The following CACNA1E variants were observed in gnomAD, a reference collection of about 807,000 sequenced individuals.
CACNA1E encodes calcium voltage-gated channel subunit alpha1 E, also known as voltage-dependent R-type calcium channel subunit alpha-1E.
A neutral mutation model predicts 259.2 loss-of-function variants in CACNA1E; 40 were observed. The observed-to-expected ratio is 0.15, with a 90% CI of 0.12 to 0.20. CACNA1E has a LOEUF of 0.20. Among genes scored for constraint, CACNA1E ranks in the 10% least tolerant of loss-of-function variants. The pLI is 1.00. For synonymous variants in CACNA1E, 1,104 were observed against 1,138.5 expected, an observed-to-expected ratio of 0.97 and a Z score of 0.61; for missense variants, 1,874 against 3,040.1, an observed-to-expected ratio of 0.62 and a Z score of 9.02.
At chr1:181,369,921 A>G (rs369702486) in intron 1 of CACNA1E, among the ~76,000 whole-genome samples, 1 of 152,218 alleles carries the variant, frequency 6.6e-6, no homozygotes, top group Admixed American at 6.5e-5. Flanking sequence ...GCACAGAACC[A>G]AACAGGTAGT....
chr1:181,577,370 A>C lies in CACNA1E; in HGVS notation c.513-396A>C, dbSNP rs74877688. Among the ~76,000 whole-genome samples, 337 of 152,290 alleles carry C rather than the reference A, an allele frequency of 2.2e-3. 2 individuals carry two copies. Among genetic ancestry groups the C allele is most frequent in the African/African-American group, 3.4e-3 (140 of 41,568 alleles). ...GAGAAATTTCCTGAAGGAGATAGACAGGGGAACCTAAGAAAATTTTGAAAT... is the reference window on the plus strand; with the variant it reads ...GAGAAATTTCCTGAAGGAGATAGACCGGGGAACCTAAGAAAATTTTGAAAT... On this transcript the variant is annotated intron_variant, in intron 3 of 47. Coordinates refer to ENST00000367573, the MANE Select transcript of CACNA1E (RefSeq NM_001205293.3).
chr1:181,365,170 TA>T (rs1379098801), intron 1 of CACNA1E, among the ~76,000 whole-genome samples: 2 of 152,158 alleles, frequency 1.3e-5, no homozygotes, highest in East Asian at 3.8e-4. Flanking sequence ...AGCTTTTTTT[TA>T]TTTTTTATTT....
intron 1 of CACNA1E, among the ~76,000 whole-genome samples, chr1:181,366,684 C>T (rs1654291280): frequency 6.6e-6 from 1 of 152,298 alleles, no homozygotes; most frequent in African/African-American, 2.4e-5. Flanking sequence ...ATCCTGCTAC[C>T]TCTTTGCTGT....
rs151312370 is a variant in CACNA1E at position 181,388,278 on chromosome 1, G to A, written c.-14-24855G>A. On this transcript the variant is annotated intron_variant, in intron 1 of 11. Coordinates refer to the CACNA1E transcript ENST00000524607. The stretch of plus-strand genomic sequence containing the variant: ...TGCGGTAACGTTCTAGAAGGTCGCC[G>A]TGAGCCCTCAATTAGCCAATGCTGA... Among the ~76,000 whole-genome samples, 49 of 152,296 alleles carry A rather than the reference G, an allele frequency of 3.2e-4. No homozygotes were observed. In the South Asian group the frequency reaches 5.2e-3, roughly 16 times the overall value.
At chr1:181,742,586 C>A (rs1656680439) in intron 25 of CACNA1E, among the ~76,000 whole-genome samples, 1 of 152,184 alleles carries the variant, frequency 6.6e-6, no homozygotes, top group African/African-American at 2.4e-5. Context: ...TGTGGCTCCT[C>A]AGAAACCAGG....
intron 1 of CACNA1E, among the ~76,000 whole-genome samples, chr1:181,507,451 G>A (rs1266604149): frequency 6.6e-6 from 1 of 152,200 alleles, no homozygotes; most frequent in Non-Finnish European, 1.5e-5. Context: ...ATATACTTGG[G>A]TTAACTGGCT....
intron 1 of CACNA1E, 107 bp from the exon 2 acceptor site, chr1:181,510,370 C>T: frequency 8.2e-6 from 6 of 734,472 alleles, no homozygotes; most frequent in Non-Finnish European, 1.5e-5. Flanking sequence ...ATCATGCAAA[C>T]TGCACAGACA....
At chr1:181,708,469 G>A (rs1653010273) in intron 7 of CACNA1E, among the ~76,000 whole-genome samples, 1 of 152,150 alleles carries the variant, frequency 6.6e-6, no homozygotes, top group Admixed American at 6.5e-5. Context: ...TATCCTAGAT[G>A]CTCAAGGATG....
At chr1:181,388,091 C>A (rs147736657) in intron 1 of CACNA1E, among the ~76,000 whole-genome samples, 3 of 152,210 alleles carry the variant, frequency 2.0e-5, no homozygotes, top group Non-Finnish European at 4.4e-5. Context: ...GGCCGATAGA[C>A]ATTTGTTTCT....
chr1:181,655,392 A>T (rs1659125582), intron 7 of CACNA1E, among the ~76,000 whole-genome samples: 1 of 152,212 alleles, frequency 6.6e-6, no homozygotes, highest in African/African-American at 2.4e-5. Flanking sequence ...ATCTACAAAG[A>T]AATAGGAATC....
In CACNA1E at chr1:181,758,610, C is replaced by A. The variant is rs552609145; in HGVS notation, c.4495-148C>A. The A allele has an allele frequency of 8.9e-6, 5 of 559,288 alleles. No homozygotes were observed. Among genetic ancestry groups the A allele is most frequent in the African/African-American group, 7.6e-5 (4 of 52,928 alleles). 34.6% of individuals were successfully genotyped at this position (559,288 alleles called of 1,614,324 possible). A position where few individuals can be genotyped will look rare whatever the true frequency, so the allele number is the denominator to read the frequency against. ...TGGGTAGAATATGTGGTTCTCCTCT[C>A]CAGCACTCGAAGTCCATCTCTCCTC... On this transcript the variant is annotated intron_variant, in intron 31 of 47. Transcript: ENST00000367573. This position sits in a 1 kb window ranked among gnomAD's most constrained non-coding sequence, Gnocchi z 4.2.
intron 1 of CACNA1E, among the ~76,000 whole-genome samples, chr1:181,354,217 A>C (rs1432132649): frequency 3.3e-5 from 5 of 151,490 alleles, no homozygotes; most frequent in Non-Finnish European, 7.4e-5. Context: ...TCAGCATTTG[A>C]ATAAATGAAT....
chr1:181,612,040 C>T (rs1317506142), intron 6 of CACNA1E, among the ~76,000 whole-genome samples: 1 of 152,204 alleles, frequency 6.6e-6, no homozygotes, highest in East Asian at 1.9e-4. Flanking sequence ...TGTCAAGTCA[C>T]CCTACAGAGT....
At chr1:181,554,981 A>G (rs1344373732) in intron 3 of CACNA1E, among the ~76,000 whole-genome samples, 1 of 152,118 alleles carries the variant, frequency 6.6e-6, no homozygotes, top group Non-Finnish European at 1.5e-5. Flanking sequence ...TCCTCTTCCA[A>G]ATGGAGATTA....
intron 2 of CACNA1E, among the ~76,000 whole-genome samples, chr1:181,476,748 C>T (rs1025569984): frequency 3.9e-5 from 6 of 152,138 alleles, no homozygotes; most frequent in East Asian, 3.9e-4. Context: ...GTCAAGAGGC[C>T]GTGGGGGTGG....
rs115119586 is a variant in CACNA1E at position 181,606,743 on chromosome 1, A to G, written c.951+25967A>G. Among the ~76,000 whole-genome samples, 495 of 152,298 alleles carry G rather than the reference A, an allele frequency of 3.3e-3. 3 individuals carry two copies. Among genetic ancestry groups the G allele is most frequent in the African/African-American group, 0.01 (433 of 41,558 alleles). ...TTCCAGCCTTGCCCTTGTTTTACCC[A>G]TGCTGGCTTGTGTCAGAATCAGCCC... On this transcript the variant is annotated intron_variant, in intron 6 of 47. Coordinates refer to ENST00000367573, the MANE Select transcript of CACNA1E (RefSeq NM_001205293.3).
At chr1:181,595,890 A>G (rs1653111104) in intron 6 of CACNA1E, among the ~76,000 whole-genome samples, 2 of 152,208 alleles carry the variant, frequency 1.3e-5, no homozygotes, top group South Asian at 2.1e-4. Flanking sequence ...GTGACCACAG[A>G]GAGTAATTGC....
intron 2 of CACNA1E, among the ~76,000 whole-genome samples, chr1:181,435,358 A>T (rs2102270134): frequency 6.6e-6 from 1 of 152,356 alleles, no homozygotes; most frequent in African/African-American, 2.4e-5. Context: ...ACAGAAAATT[A>T]TCTAATTGCT....
intron 1 of CACNA1E, among the ~76,000 whole-genome samples, chr1:181,344,737 A>G (rs887311595): frequency 6.6e-6 from 1 of 152,210 alleles, no homozygotes; most frequent in Admixed American, 6.5e-5. Flanking sequence ...GGAAACACCC[A>G]GAGTGCAAGA....
Sources: allele counts gnomAD v4.1 joint callset (sites outside exome capture counted in the v4.1 genomes callset), GRCh38; gene constraint gnomAD v4.1.1; non-coding constraint Gnocchi (gnomAD v3.1); transcripts MANE v1.5; gene names NCBI Gene and HGNC (gene_info 2026-07-23, HGNC 2026-07-21).